The following ADAM21 variants were observed in gnomAD, a reference collection of about 807,000 sequenced individuals.
ADAM21 encodes disintegrin and metalloproteinase domain-containing protein 21.
For synonymous variants in ADAM21, 262 were observed against 306.0 expected (o/e 0.86, Z 1.50); for missense variants, 678 against 874.4 (o/e 0.78, Z 2.83).
chr14:70,457,178 C>T lies in ADAM21; in HGVS notation c.-151-171C>T, dbSNP rs868601599. Among the ~76,000 whole-genome samples, 96 of 151,316 alleles carry T rather than the reference C, an allele frequency of 6.3e-4. 2 individuals are homozygous for T. In the South Asian group the frequency reaches 0.01, roughly 16 times the overall value. ...CTTCCAACTTCAACTATTATCACCA[C>T]GTGGCCAATGTTGTCTCCTCTATAC... On this transcript the variant is annotated intron_variant, in intron 1 of 1. Transcript: ENST00000603540.
In ADAM21 at chr14:70,457,510, A is replaced by G. The variant is rs1882434302; in HGVS notation, c.11A>G (p.Asp4Gly). 9 of 1,590,404 alleles carry G rather than the reference A, an allele frequency of 5.7e-6. No individual in the cohort carries two copies. The East Asian group carries it at 1.8e-4, about 32-fold the overall frequency. ...AACGACAGCTTCATAATGGCAGTGGATGGGACCCTCGTGTACATCAGAGTC... is the reference window on the plus strand; with the variant it reads ...AACGACAGCTTCATAATGGCAGTGGGTGGGACCCTCGTGTACATCAGAGTC... Reference protein sequence around the residue: MAVDGTLVYIRVTL... With the variant: MAVGGTLVYIRVTL... Residue 4 changes from aspartate (D) to glycine (G), a missense_variant, in exon 2 of 2, where the codon GAT becomes GGT. Coordinates refer to ENST00000603540, the MANE Select transcript of ADAM21 (RefSeq NM_003813.4).
chr14:70,458,103 G>T lies in ADAM21; in HGVS notation c.604G>T (p.Asp202Tyr). Residue 202 changes from aspartate (D) to tyrosine (Y), a missense_variant, in exon 2 of 2, where the codon GAC (aspartate) becomes TAC (tyrosine). Coordinates refer to ENST00000603540, the MANE Select transcript of ADAM21 (RefSeq NM_003813.4). ...NSALEPKSAG[D>Y]WWTHAWFLEL... is the part of the protein sequence containing the mutation. ...AGCTCTGGAACCAAAATCTGCTGGT[G>T]ACTGGTGGACTCATGCATGGTTTCT... The T allele has an allele frequency of 3.7e-6, 6 of 1,614,072 alleles. No homozygotes were observed. The highest frequency in any genetic ancestry group is 5.1e-6 in the Non-Finnish European group (6 of 1,180,024).
intron 1 of ADAM21, 115 bp downstream of exon 1, chr14:70,452,378 T>C (rs1268217571): frequency 6.5e-6 from 1 of 153,996 alleles, no homozygotes; most frequent in Non-Finnish European, 1.4e-5. Flanking sequence ...TTTGTTTGTT[T>C]GTTTTGAGAT....
chr14:70,458,688 C>G lies in ADAM21; in HGVS notation c.1189C>G (p.Pro397Ala). ...AAACCAGGGATCATGTCTGCATAAT[C>G]CTCCAAGATTGGGGGAAATCTTTAT... The part of the protein sequence containing the change: ...TLNQGSCLHN[P>A]PRLGEIFMLK... The change falls in exon 2 of 2, where the codon CCT (proline) becomes GCT (alanine). Residue 397 changes from proline to alanine, a missense_variant. By Grantham distance (27) the Pro-to-Ala change is conservative (BLOSUM62 -1). Transcript: ENST00000603540. 1 of 1,614,052 alleles carries G rather than the reference C, an allele frequency of 6.2e-7. No individual in the cohort carries two copies. The highest frequency in any genetic ancestry group is 1.1e-5 in the South Asian group (1 of 91,064).
intron 1 of ADAM21, among the ~76,000 whole-genome samples, chr14:70,456,957 A>G (rs940970847): frequency 2.6e-5 from 4 of 152,230 alleles, no homozygotes; most frequent in African/African-American, 7.2e-5. Context: ...ATTATTTTTG[A>G]TGTCTCCAGT....
chr14:70,455,735 C>T (rs535390786), intron 1 of ADAM21, among the ~76,000 whole-genome samples: 23 of 152,168 alleles, frequency 1.5e-4, no homozygotes, highest in Admixed American at 1.2e-3. Flanking sequence ...AATAAAAATT[C>T]ATTTTGTATT....
Position 70,457,964 on chromosome 14 carries a change from A to G in ADAM21, c.465A>G (p.Glu155=). ...IEPIRHSATF[E]HLVYKINSNE... is the part of the protein sequence containing the mutation. ...CCATCAGGCACTCTGCCACATTTGAACACCTGGTTTATAAGATAAACAGTA... is the reference window on the plus strand; with the variant it reads ...CCATCAGGCACTCTGCCACATTTGAGCACCTGGTTTATAAGATAAACAGTA... The change falls in exon 2 of 2, where the codon GAA becomes GAG. Residue 155 remains glutamate, a synonymous_variant. Coordinates refer to ENST00000603540, the MANE Select transcript of ADAM21 (RefSeq NM_003813.4). 1 of 1,611,964 alleles carries G rather than the reference A, an allele frequency of 6.2e-7. No individual in the cohort carries two copies. The highest frequency in any genetic ancestry group is 8.5e-7 in the Non-Finnish European group (1 of 1,178,826).
chr14:70,454,192 A>G (rs1889075304), intron 1 of ADAM21, among the ~76,000 whole-genome samples: 1 of 152,222 alleles, frequency 6.6e-6, no homozygotes, highest in African/African-American at 2.4e-5. Context: ...AAGTTTTGAA[A>G]TATCTACTGG....
At chr14:70,454,935 G>A (rs1239310384) in intron 1 of ADAM21, among the ~76,000 whole-genome samples, 1 of 152,218 alleles carries the variant, frequency 6.6e-6, no homozygotes, top group Non-Finnish European at 1.5e-5. Flanking sequence ...TGGTGTTCAT[G>A]TTGTGGGCTG....
At position 70,459,602 on chromosome 14, in the gene ADAM21, C is replaced by T. The variant is rs142273524; in HGVS notation, c.2103C>T (p.Val701=). 143 of 1,614,152 alleles carry T rather than the reference C, an allele frequency of 8.9e-5. No homozygotes were observed. In the African/African-American group the frequency reaches 1.6e-3, roughly 18 times the overall value. Residue 701 remains valine, a synonymous_variant, in exon 2 of 2, where the codon GTC becomes GTT. Coordinates refer to ENST00000603540, the MANE Select transcript of ADAM21 (RefSeq NM_003813.4). The stretch of plus-strand genomic sequence containing the variant: ...CTGTTTTGACTTTCCTGTTTACTGT[C>T]GGGCTTCTTATGTATCTACGACAAT... ...SLSVLTFLFT[V]GLLMYLRQCS...
chr14:70,458,497 C>A lies in ADAM21; in HGVS notation c.998C>A (p.Ser333Tyr). 6.2e-7 allele frequency: 1 copy of A among 1,613,792 alleles called. No individual in the cohort carries two copies. Among genetic ancestry groups the A allele is most frequent in the Non-Finnish European group, 8.5e-7 (1 of 1,179,936 alleles). The change falls in exon 2 of 2, where the codon TCT becomes TAT. Residue 333 changes from serine to tyrosine, a missense_variant. Ser to Tyr is a moderately radical substitution (Grantham distance 144, BLOSUM62 -2). Transcript: ENST00000603540. ...GVDNFQGDTW[S>Y]LFANTVAHEL... ...GATAATTTTCAAGGAGATACCTGGT[C>A]TCTTTTTGCCAACACTGTGGCCCAT...
At chr14:70,454,213 T>A (rs1054676190) in intron 1 of ADAM21, among the ~76,000 whole-genome samples, 1 of 152,216 alleles carries the variant, frequency 6.6e-6, no homozygotes, top group Non-Finnish European at 1.5e-5. Context: ...ATTTTATATC[T>A]CTATTCCTTA....
At position 70,459,395 on chromosome 14, in the gene ADAM21, T is replaced by C. The variant is rs112885465; in HGVS notation, c.1896T>C (p.His632=). 1.8e-3 allele frequency: 2,863 copies of C among 1,614,250 alleles called. 14 individuals carry two copies. Among genetic ancestry groups the C allele is most frequent in the Non-Finnish European group, 1.4e-3 (1,640 of 1,180,036 alleles). ...GTGTCAGTCTGTCTGTCTTGTCACATGTCTGCCTTCCTGAGACCTGCAATA... is the reference window on the plus strand; with the variant it reads ...GTGTCAGTCTGTCTGTCTTGTCACACGTCTGCCTTCCTGAGACCTGCAATA... ...KKCVSLSVLS[H]VCLPETCNMK... The change falls in exon 2 of 2, where the codon CAT becomes CAC. Residue 632 remains histidine (H), a synonymous_variant. Transcript: ENST00000603540.
Position 70,454,218 on chromosome 14 carries a change from T to C in ADAM21, c.-152+1955T>C, listed in dbSNP as rs538988681. Among the ~76,000 whole-genome samples, 3 of 152,334 alleles carry C rather than the reference T, an allele frequency of 2.0e-5. No individual in the cohort carries two copies. The South Asian group carries it at 6.2e-4, about 32-fold the overall frequency. ...TATCTACTGGATTTTATATCTCTAT[T>C]CCTTAGGCTGGGGATCCAGGACAAG... On this transcript the variant is annotated intron_variant, in intron 1 of 1. Transcript: ENST00000603540.
Position 70,459,572 on chromosome 14 carries a change from T to C in ADAM21, c.2073T>C (p.Ser691=), listed in dbSNP as rs762118696. ...TTTTGCCGCTGATTGTGATTCCTTCTTTGTCTGTTTTGACTTTCCTGTTTA... is the reference window on the plus strand; with the variant it reads ...TTTTGCCGCTGATTGTGATTCCTTCCTTGTCTGTTTTGACTTTCCTGTTTA... ...GVFLPLIVIP[S]LSVLTFLFTV... Residue 691 remains serine (S), a synonymous_variant, in exon 2 of 2, where the codon TCT becomes TCC. Transcript: ENST00000603540. 6.2e-7 allele frequency: 1 copy of C among 1,614,116 alleles called. No individual in the cohort carries two copies. Among genetic ancestry groups the C allele is most frequent in the East Asian group, 2.2e-5 (1 of 44,886 alleles).
Position 70,458,520 on chromosome 14 carries a change from C to G in ADAM21, c.1021C>G (p.His341Asp). 6.2e-7 allele frequency: 1 copy of G among 1,612,794 alleles called. No individual in the cohort carries two copies. Among genetic ancestry groups the G allele is most frequent in the Middle Eastern group, 1.7e-4 (1 of 6,060 alleles). Residue 341 changes from histidine to aspartate, a missense_variant, in exon 2 of 2, where the codon CAT becomes GAT. By Grantham distance (81) the His-to-Asp change is moderately conservative (BLOSUM62 -1). Transcript: ENST00000603540. ...GTCTCTTTTTGCCAACACTGTGGCC[C>G]ATGAGTTAGGTCATACGTTAGGTAT... ...TWSLFANTVA[H>D]ELGHTLGMQH...
intron 1 of ADAM21, among the ~76,000 whole-genome samples, chr14:70,455,684 C>T (rs946922586): frequency 1.1e-4 from 17 of 152,034 alleles, no homozygotes; most frequent in Middle Eastern, 3.4e-3. Context: ...ATAATTTCTA[C>T]GGCAAGAACT....
rs73291974 is a variant in ADAM21, at chr14:70,455,612, C to T, written c.-151-1737C>T. Among the ~76,000 whole-genome samples, 1,381 of 152,224 alleles carry T rather than the reference C, an allele frequency of 9.1e-3. 16 individuals carry two copies. Among genetic ancestry groups the T allele is most frequent in the African/African-American group, 0.032 (1,315 of 41,544 alleles). The stretch of plus-strand genomic sequence containing the variant: ...AACTTCCTAACTCACTTTTATGATA[C>T]CTTTTCCCTATAGTTTTTAAATTGC... On this transcript the variant is annotated intron_variant, in intron 1 of 1. Transcript: ENST00000603540.
chr14:70,454,325 A>G (rs142970655), intron 1 of ADAM21, among the ~76,000 whole-genome samples: 179 of 151,516 alleles, frequency 1.2e-3, no homozygotes, highest in African/African-American at 4.2e-3. Flanking sequence ...TTTTCAGAGC[A>G]GCATTAGTAG....
Sources: gnomAD v4.1 joint callset for allele counts (sites outside exome capture counted in the v4.1 genomes callset) on GRCh38, gnomAD v4.1.1 for gene constraint, MANE v1.5 for transcripts, NCBI Gene and HGNC (gene_info 2026-07-23, HGNC 2026-07-21) for gene names.